CEP83: variants seen among roughly 807,000 people sequenced by gnomAD.
The protein encoded by CEP83 is centrosomal protein 83, also known as centrosomal protein of 83 kDa.
Under a neutral mutation model 101.9 loss-of-function variants are expected in CEP83, and 70 were observed. That is an observed-to-expected ratio of 0.69 (90% CI 0.57 to 0.84). CEP83 has a LOEUF of 0.84. Ranked by LOEUF, CEP83 falls within the 40% of genes least tolerant of loss-of-function variation. The pLI is 0.00. For missense variants in CEP83, 715 were observed against 787.2 expected (o/e 0.91, Z 1.10); for synonymous variants, 264 against 267.9 (o/e 0.99, Z 0.14).
chr12:94,445,307 T>A (rs2066718984), intron 1 of CEP83, among the ~76,000 whole-genome samples: 1 of 151,786 alleles, frequency 6.6e-6, no homozygotes. Context: ...AACTTCAAGT[T>A]GCTCCCCACG....
chr12:94,450,195 G>A (rs2067144472), intron 1 of CEP83, among the ~76,000 whole-genome samples: 1 of 152,112 alleles, frequency 6.6e-6, no homozygotes, highest in Non-Finnish European at 1.5e-5. Flanking sequence ...CATTGAGATT[G>A]GAAAGAAAAA....
downstream of CEP83, chr12:94,307,400 A>AATC (rs1247885685): frequency 6.6e-6 from 1 of 152,216 alleles, no homozygotes; most frequent in Middle Eastern, 3.2e-3. Flanking sequence ...TGCTGAAGAC[A>AATC]ATCAGTCACT....
the CEP83 span, among the ~76,000 whole-genome samples, chr12:94,283,620 C>A: frequency 2.0e-5 from 3 of 152,182 alleles, no homozygotes; most frequent in Non-Finnish European, 4.4e-5. Flanking sequence ...TTAAGGACAA[C>A]TTGGTGGGTT....
At chr12:94,335,690 C>T (rs774590381) in intron 11 of CEP83, 26 bp from the exon 12 acceptor site, 5 of 1,414,524 alleles carry the variant, frequency 3.5e-6, no homozygotes, top group Admixed American at 4.0e-5. Context: ...CAACAAAAGG[C>T]ATTATTAAGA....
intron 6 of CEP83, among the ~76,000 whole-genome samples, chr12:94,388,720 A>G (rs1430637629): frequency 1.3e-5 from 2 of 152,206 alleles, no homozygotes; most frequent in Non-Finnish European, 2.9e-5. Context: ...ATGAAAATAC[A>G]TTTCACTTTT....
chr12:94,424,809 T>C, intron 2 of CEP83: 1 of 1,605,336 alleles, frequency 6.2e-7, no homozygotes, highest in South Asian at 1.1e-5. Flanking sequence ...TTGGTTTTGC[T>C]CAGCTGGTCA....
At chr12:94,366,154 T>C (rs2061016788) in intron 11 of CEP83, among the ~76,000 whole-genome samples, 1 of 151,978 alleles carries the variant, frequency 6.6e-6, no homozygotes, top group East Asian at 1.9e-4. Context: ...TTTTGGTGTA[T>C]TATAGTTCTG....
intron 11 of CEP83, among the ~76,000 whole-genome samples, chr12:94,336,015 T>C (rs1166289867): frequency 6.6e-6 from 1 of 152,156 alleles, no homozygotes; most frequent in Non-Finnish European, 1.5e-5. Flanking sequence ...TAGAATGTGT[T>C]GCTAAGGTAT....
At chr12:94,414,180 A>C (rs1308535584) in intron 2 of CEP83, among the ~76,000 whole-genome samples, 3 of 152,214 alleles carry the variant, frequency 2.0e-5, no homozygotes. Context: ...TAAATACAGA[A>C]TGCGCTATCT....
Position 94,403,263 on chromosome 12 carries a change from C to A in CEP83, c.325-1G>T. ...ATTCCAATTTTTGTGGAGTTAATAT[C>A]TAATATGTAGAGAAATGCAAACAAT... On this transcript the variant is annotated splice_acceptor_variant, in intron 4 of 16. Transcript: ENST00000397809. LOFTEE classifies it high-confidence loss of function. 7.6e-7 allele frequency: 1 copy of A among 1,318,506 alleles called. No homozygotes were observed. The highest frequency in any genetic ancestry group is 1.2e-5 in the South Asian group (1 of 84,280). 81.7% of individuals were successfully genotyped at this position (1,318,506 alleles called of 1,614,324 possible).
the CEP83 span, among the ~76,000 whole-genome samples, chr12:94,275,758 G>A: frequency 6.7e-3 from 847 of 125,718 alleles, 124 homozygotes; most frequent in Non-Finnish European, 0.011. Flanking sequence ...GGGAGGCTGA[G>A]GCAGGAGAAT....
rs1239472908 is a variant in CEP83, at chr12:94,434,549, G to GA, written c.-102+725dup. ...ATAATACATTTGAAAAGTTAAGGTT[G>GA]AAAAATCAAACTTTTAAAAATGTCA... On this transcript the variant is annotated intron_variant, in intron 2 of 16. Coordinates refer to ENST00000397809, the MANE Select transcript of CEP83 (RefSeq NM_016122.3). Among the ~76,000 whole-genome samples, 4 of 152,268 alleles carry GA rather than the reference G, an allele frequency of 2.6e-5. No homozygotes were observed. The East Asian group carries it at 7.7e-4, about 29-fold the overall frequency.
At position 94,368,142 on chromosome 12, in the gene CEP83, C is replaced by T; in HGVS notation, c.1108G>A (p.Val370Ile). The T allele has an allele frequency of 6.2e-7, 1 of 1,612,970 alleles. No homozygotes were observed. The highest frequency in any genetic ancestry group is 8.5e-7 in the Non-Finnish European group (1 of 1,179,258). ...CGTATTAATTCACGATCCTTTTCTA[C>T]TAAGAGCACTTTGTGATGTTCAACA... The part of the protein sequence containing the change: ...AAVEHHKVLL[V>I]EKDRELIRKV... Residue 370 changes from valine to isoleucine, a missense_variant, in exon 10 of 17, where the codon GTA (valine) becomes ATA (isoleucine). Coordinates refer to ENST00000397809, the MANE Select transcript of CEP83 (RefSeq NM_016122.3).
At chr12:94,371,000 T>C (rs750023359) in intron 8 of CEP83, among the ~76,000 whole-genome samples, 16 of 151,878 alleles carry the variant, frequency 1.1e-4, no homozygotes, top group Non-Finnish European at 1.9e-4. Flanking sequence ...AAAATTAAAA[T>C]TAAATTTAAG....
chr12:94,350,523 A>C (rs1279812103), intron 11 of CEP83, among the ~76,000 whole-genome samples: 2 of 152,148 alleles, frequency 1.3e-5, no homozygotes, highest in South Asian at 2.1e-4. Flanking sequence ...TAAAACTATA[A>C]ACTCTTAGAA....
At chr12:94,446,799 A>G (rs2066841581) in intron 1 of CEP83, among the ~76,000 whole-genome samples, 1 of 152,228 alleles carries the variant, frequency 6.6e-6, no homozygotes, top group Admixed American at 6.5e-5. Context: ...AAAGAGAGAA[A>G]GAGGCAGAAA....
chr12:94,448,709 A>T (rs939274380), intron 1 of CEP83, among the ~76,000 whole-genome samples: 1 of 152,184 alleles, frequency 6.6e-6, no homozygotes, highest in Non-Finnish European at 1.5e-5. Context: ...GCAAGGAAAA[A>T]TTTTAAAATA....
In CEP83 at chr12:94,315,694, ATT is replaced by A. The variant is rs554045286; in HGVS notation, c.1708-2679_1708-2678del. On this transcript the variant is annotated intron_variant, in intron 14 of 16. Coordinates refer to ENST00000397809, the MANE Select transcript of CEP83 (RefSeq NM_016122.3). ...TCCCAAGTTTTCATCTAGAAGCTTTATTTTTTTTTTTTACCTATCACACTTAG... is the reference window on the plus strand; with the variant it reads ...TCCCAAGTTTTCATCTAGAAGCTTTATTTTTTTTTTACCTATCACACTTAG... 7.6e-5 allele frequency among the ~76,000 whole-genome samples: 11 copies of A among 144,864 alleles called. No homozygotes were observed. In the East Asian group the frequency reaches 1.6e-3, roughly 21 times the overall value.
intron 1 of CEP83, among the ~76,000 whole-genome samples, chr12:94,452,598 T>A (rs2067339321): frequency 1.3e-5 from 2 of 152,078 alleles, no homozygotes; most frequent in South Asian, 4.1e-4. Context: ...GAAAAAAGAA[T>A]AACGTTGCTA....
Sources: gnomAD v4.1 joint callset for allele counts (sites outside exome capture counted in the v4.1 genomes callset) on GRCh38, gnomAD v4.1.1 for gene constraint, MANE v1.5 for transcripts, NCBI Gene and HGNC (gene_info 2026-07-23, HGNC 2026-07-21) for gene names.